The following OPCML variants were observed in gnomAD, a reference collection of about 807,000 sequenced individuals.
OPCML encodes the protein opioid-binding protein/cell adhesion molecule.
A neutral mutation model predicts 37.8 loss-of-function variants in OPCML; 13 were observed. That is an observed-to-expected ratio of 0.34 (90% CI 0.22 to 0.55). The LOEUF (loss-of-function observed/expected upper bound fraction) is 0.55. OPCML is among the 20% of genes least tolerant of loss of function. The pLI is 0.91. For missense variants in OPCML, 341 were observed against 435.6 expected, an observed-to-expected ratio of 0.78 and a Z score of 1.93; for synonymous variants, 176 against 168.8, an observed-to-expected ratio of 1.04 and a Z score of -0.33.
intron 1 of OPCML, among the ~76,000 whole-genome samples, chr11:133,384,635 A>T (rs950168689): frequency 6.6e-6 from 1 of 152,164 alleles, no homozygotes; most frequent in African/African-American, 2.4e-5. Context: ...AGAAAATCCC[A>T]GTGCCTTCTG....
intron 4 of OPCML, among the ~76,000 whole-genome samples, chr11:132,458,346 C>G (rs147698485): frequency 6.6e-6 from 1 of 152,284 alleles, no homozygotes; most frequent in African/African-American, 2.4e-5. Context: ...AGTGAACACA[C>G]CCCTGACTAG....
At chr11:133,415,581 T>C (rs1193914855) in intron 1 of OPCML, among the ~76,000 whole-genome samples, 1 of 152,066 alleles carries the variant, frequency 6.6e-6, no homozygotes, top group Non-Finnish European at 1.5e-5. Flanking sequence ...AAGGCCCCCA[T>C]CCATGATCAG....
chr11:133,334,035 C>G (rs1565577960), intron 1 of OPCML, among the ~76,000 whole-genome samples: 1 of 152,178 alleles, frequency 6.6e-6, no homozygotes, highest in Non-Finnish European at 1.5e-5. Flanking sequence ...CCCTTACACA[C>G]TGTTAGTGGG....
intron 1 of OPCML, among the ~76,000 whole-genome samples, chr11:133,204,828 C>T (rs1938959129): frequency 7.4e-6 from 1 of 135,630 alleles, no homozygotes; most frequent in Non-Finnish European, 1.6e-5. Flanking sequence ...GAAAATATTA[C>T]TTTTTGTATT....
chr11:132,794,526 T>C (rs996395679), intron 2 of OPCML, among the ~76,000 whole-genome samples: 21 of 152,170 alleles, frequency 1.4e-4, no homozygotes, highest in Middle Eastern at 3.2e-3. Flanking sequence ...TGGAAGATAA[T>C]GGGACCAGGC....
At chr11:133,027,212 C>A (rs775103407) in intron 1 of OPCML, among the ~76,000 whole-genome samples, 27 of 152,208 alleles carry the variant, frequency 1.8e-4, no homozygotes, top group Non-Finnish European at 3.7e-4. Flanking sequence ...CAGCTTCGAG[C>A]AAACTGAGAT....
chr11:132,613,133 G>A (rs1397580218), intron 3 of OPCML, among the ~76,000 whole-genome samples: 1 of 152,186 alleles, frequency 6.6e-6, no homozygotes, highest in Non-Finnish European at 1.5e-5. Context: ...TGCTGGCGGG[G>A]ATGTCACCCT....
intron 2 of OPCML, among the ~76,000 whole-genome samples, chr11:132,672,668 A>AAG (rs1370111486): frequency 1.3e-5 from 2 of 152,168 alleles, no homozygotes; most frequent in Non-Finnish European, 2.9e-5. Context: ...GGAGGTAATT[A>AAG]AGAGAGCGAG....
chr11:133,099,730 C>T (rs1476668290), intron 1 of OPCML, among the ~76,000 whole-genome samples: 2 of 152,122 alleles, frequency 1.3e-5, no homozygotes, highest in Non-Finnish European at 2.9e-5. Context: ...TGAGAACTGT[C>T]TGTTCATGTC....
At chr11:132,564,498 G>A (rs2096417867) in intron 3 of OPCML, among the ~76,000 whole-genome samples, 1 of 152,200 alleles carries the variant, frequency 6.6e-6, no homozygotes, top group Non-Finnish European at 1.5e-5. Flanking sequence ...GAAGGGCTCA[G>A]TAAATACTGT....
Position 133,266,339 on chromosome 11 carries a change from G to A in OPCML, c.61+265925C>T, listed in dbSNP as rs571855265. Among the ~76,000 whole-genome samples the A allele has an allele frequency of 1.5e-3, 233 of 152,124 alleles. 2 individuals are homozygous for A. The highest frequency in any genetic ancestry group is 5.3e-3 in the African/African-American group (222 of 41,504). The stretch of plus-strand genomic sequence containing the variant: ...TTCAAACTTGCTGTCCCTGTAGCTG[G>A]GAGCCCTCACCAACCTCCAAGACCC... On this transcript the variant is annotated intron_variant, in intron 1 of 7. Coordinates refer to ENST00000524381, the MANE Select transcript of OPCML (RefSeq NM_001012393.5).
intron 2 of OPCML, among the ~76,000 whole-genome samples, chr11:132,852,043 A>C (rs1163558610): frequency 6.6e-6 from 1 of 152,202 alleles, no homozygotes; most frequent in African/African-American, 2.4e-5. Flanking sequence ...TCCCAGGTGA[A>C]AGGTGCCCTC....
chr11:132,932,690 AT>A (rs1003650002), intron 2 of OPCML, among the ~76,000 whole-genome samples: 8 of 118,214 alleles, frequency 6.8e-5, no homozygotes, highest in Admixed American at 2.4e-4. Flanking sequence ...TTATATATAT[AT>A]TATATATATA....
intron 1 of OPCML, among the ~76,000 whole-genome samples, chr11:133,023,160 T>G (rs1947485062): frequency 1.3e-5 from 2 of 152,232 alleles, no homozygotes; most frequent in African/African-American, 4.8e-5. Context: ...CATAAGCAGG[T>G]GCAGAGCCCT....
intron 4 of OPCML, among the ~76,000 whole-genome samples, chr11:132,516,049 A>G (rs2137213321): frequency 6.6e-6 from 1 of 152,158 alleles, no homozygotes; most frequent in Admixed American, 6.5e-5. Context: ...TTTCCAGCAC[A>G]AGTCATAGGT....
intron 1 of OPCML, among the ~76,000 whole-genome samples, chr11:133,491,868 A>G (rs1253065510): frequency 6.6e-6 from 1 of 152,208 alleles, no homozygotes; most frequent in Admixed American, 6.5e-5. Context: ...AGGAACTCCA[A>G]TCAGGCAAGA....
intron 1 of OPCML, among the ~76,000 whole-genome samples, chr11:132,960,399 A>G (rs575972898): frequency 1.3e-5 from 2 of 152,290 alleles, no homozygotes; most frequent in African/African-American, 4.8e-5. Flanking sequence ...AAAAAGCACA[A>G]CTGTTGTGGT....
At chr11:133,405,405 C>T (rs915863549) in intron 1 of OPCML, among the ~76,000 whole-genome samples, 23 of 152,314 alleles carry the variant, frequency 1.5e-4, no homozygotes, top group Admixed American at 1.4e-3. Flanking sequence ...TTTGCTTTTC[C>T]CTGCTGAATG....
chr11:132,544,677 G>A (rs1464625671), intron 3 of OPCML, among the ~76,000 whole-genome samples: 4 of 152,142 alleles, frequency 2.6e-5, no homozygotes, highest in Non-Finnish European at 5.9e-5. Context: ...GTGGCCTCAA[G>A]TTCAGTGCTT....
Sources: gnomAD v4.1 joint callset for allele counts (sites outside exome capture counted in the v4.1 genomes callset) on GRCh38, gnomAD v4.1.1 for gene constraint, MANE v1.5 for transcripts, NCBI Gene and HGNC (gene_info 2026-07-23, HGNC 2026-07-21) for gene names.